COL18A1: variants seen among roughly 807,000 people sequenced by gnomAD.
COL18A1 encodes the protein collagen alpha-1(XVIII) chain.
A neutral mutation model predicts 168.0 loss-of-function variants in COL18A1; 133 were observed. The observed-to-expected ratio is 0.79, with a 90% confidence interval of 0.69 to 0.91. The LOEUF is 0.91. Among genes scored for constraint, COL18A1 ranks in the 40% least tolerant of loss-of-function variants. The probability of loss-of-function intolerance (pLI) is 0.00; values close to 1 mark genes in which losing one functional copy is unlikely to be tolerated. For missense variants in COL18A1, 2,126 were observed against 1,925.4 expected, an observed-to-expected ratio of 1.10 and a Z score of -1.95; for synonymous variants, 949 against 809.0, an observed-to-expected ratio of 1.17 and a Z score of -2.94.
intron 28 of COL18A1, 165 bp from the exon 29 acceptor site, chr21:45,495,193 G>A: frequency 2.9e-6 from 2 of 687,034 alleles, no homozygotes; most frequent in South Asian, 1.6e-5. Context: ...GGGTCCTTGT[G>A]CAGGAAAGGG....
At chr21:45,440,477 CG>C (rs1464356772) in intron 2 of COL18A1, among the ~76,000 whole-genome samples, 38 of 151,304 alleles carry the variant, frequency 2.5e-4, no homozygotes, top group African/African-American at 8.1e-4. Flanking sequence ...CGCAAGCAGT[CG>C]GGGCCTGCTG....
intron 2 of COL18A1, chr21:45,456,776 C>T (rs1193382911): frequency 3.0e-5 from 46 of 1,542,764 alleles, no homozygotes; most frequent in Non-Finnish European, 3.8e-5. Flanking sequence ...CGAGGCCCTG[C>T]AGGATGCGTG....
intron 2 of COL18A1, chr21:45,407,680 C>A (rs1355705616): frequency 6.6e-6 from 1 of 152,330 alleles, no homozygotes; most frequent in Non-Finnish European, 1.5e-5. Flanking sequence ...CGCCAGGAGC[C>A]TGGTCTCATG....
At chr21:45,501,200 G>C (rs2036802200) in intron 32 of COL18A1, among the ~76,000 whole-genome samples, 1 of 151,998 alleles carries the variant, frequency 6.6e-6, no homozygotes, top group Non-Finnish European at 1.5e-5. Context: ...GTCTACCAGA[G>C]AAATTGAGTA....
In COL18A1 at chr21:45,455,559, T is replaced by G. The variant is rs368343259; in HGVS notation, c.107-12683T>G. The G allele has an allele frequency of 3.7e-6, 6 of 1,613,614 alleles. No homozygotes were observed. Among genetic ancestry groups the G allele is most frequent in the Non-Finnish European group, 5.1e-6 (6 of 1,179,956 alleles). On this transcript the variant is annotated intron_variant, in intron 2 of 41. Transcript: ENST00000651438. Reference sequence around the variant, plus strand: ...GCTCCCTACCCCTGTGGCTGCCACATCCTGCTGCTGCTCTTCTGCTGCCTG... The same window carrying G: ...GCTCCCTACCCCTGTGGCTGCCACAGCCTGCTGCTGCTCTTCTGCTGCCTG...
At chr21:45,420,482 GCCCTCT>G (rs1040968322) in intron 2 of COL18A1, 55 of 152,366 alleles carry the variant, frequency 3.6e-4, no homozygotes, top group African/African-American at 1.3e-3. Flanking sequence ...GTAGTGGGCT[GCCCTCT>G]CCCTCTCCCG....
At chr21:45,450,597 A>G (rs549073004) in intron 2 of COL18A1, among the ~76,000 whole-genome samples, 2 of 152,330 alleles carry the variant, frequency 1.3e-5, no homozygotes, top group South Asian at 2.1e-4. Context: ...AGGAATTTAA[A>G]CCAGACAGGC....
chr21:45,482,443 G>A, intron 14 of COL18A1: 1 of 570,966 alleles, frequency 1.8e-6, no homozygotes, highest in Middle Eastern at 3.1e-4. Context: ...GATGAGAGCT[G>A]CACTGCTTTG....
Position 45,438,996 on chromosome 21 carries a change from A to G in COL18A1, c.107-29246A>G, listed in dbSNP as rs11089004. Among the ~76,000 whole-genome samples, 558 of 152,258 alleles carry G rather than the reference A, an allele frequency of 3.7e-3. 17 individuals carry two copies. The East Asian group carries it at 0.072, about 20-fold the overall frequency. ...CCACAGGACGTGCTTAGGGACTTGCATGGCAATTTGGCAGGGCCGTTCCCA... is the reference window on the plus strand; with the variant it reads ...CCACAGGACGTGCTTAGGGACTTGCGTGGCAATTTGGCAGGGCCGTTCCCA... On this transcript the variant is annotated intron_variant, in intron 2 of 41. Coordinates refer to ENST00000651438, the MANE Select transcript of COL18A1 (RefSeq NM_001379500.1).
chr21:45,410,267 T>TG (rs5844233), intron 2 of COL18A1, among the ~76,000 whole-genome samples: 151,429 of 152,368 alleles, frequency 0.99, 75,249 homozygotes, highest in East Asian at 1. Flanking sequence ...TGATCCCCTG[T>TG]GGGCCCCTCG....
At chr21:45,488,394 A>G (rs2036188355) in intron 17 of COL18A1, 24 bp from the exon 18 acceptor site, 4 of 1,613,434 alleles carry the variant, frequency 2.5e-6, no homozygotes, top group South Asian at 1.1e-5. Context: ...CTGCACTAAC[A>G]CTGTGTCTCC....
chr21:45,448,862 G>A (rs781773344), intron 2 of COL18A1, among the ~76,000 whole-genome samples: 9 of 152,150 alleles, frequency 5.9e-5, no homozygotes, highest in Admixed American at 1.3e-4. Context: ...AGCCCTGCCC[G>A]CCCCCGCTGC....
intron 38 of COL18A1, among the ~76,000 whole-genome samples, chr21:45,508,459 GTGGA>G (rs989731002): frequency 1.5e-4 from 23 of 150,130 alleles, no homozygotes; most frequent in Non-Finnish European, 2.8e-4. Context: ...GAGTGGATGG[GTGGA>G]TGGACAGGTG....
intron 2 of COL18A1, among the ~76,000 whole-genome samples, chr21:45,411,564 G>A (rs2033289601): frequency 6.6e-6 from 1 of 152,120 alleles, no homozygotes. Context: ...CCCACAGTCT[G>A]GAGGGCCCGG....
At chr21:45,500,875 G>T (rs866316479) in intron 32 of COL18A1, among the ~76,000 whole-genome samples, 1 of 14,252 alleles carries the variant, frequency 7.0e-5, no homozygotes, top group Non-Finnish European at 1.5e-4. Flanking sequence ...GGTGTGGTTT[G>T]GTGTGTGTGT....
chr21:45,510,175 C>G lies in COL18A1; in HGVS notation c.3607C>G (p.Arg1203Gly). The G allele has an allele frequency of 6.3e-7, 1 of 1,596,638 alleles. No homozygotes were observed. The highest frequency in any genetic ancestry group is 8.5e-7 in the Non-Finnish European group (1 of 1,172,644). ...GGCCGTGGGGCTGGCGGGCACCTTCCGCGCCTTCCTGTCCTCGCGCCTGCA... is the reference window on the plus strand; with the variant it reads ...GGCCGTGGGGCTGGCGGGCACCTTCGGCGCCTTCCTGTCCTCGCGCCTGCA... ...ARAVGLAGTF[R>G]AFLSSRLQDL... is the part of the protein sequence containing the mutation. Residue 1203 changes from arginine to glycine, a missense_variant, in exon 40 of 42, where the codon CGC (arginine) becomes GGC (glycine). Transcript: ENST00000651438.
chr21:45,493,065 G>A, intron 24 of COL18A1, 98 bp from the exon 25 acceptor site: 1 of 1,246,074 alleles, frequency 8.0e-7, no homozygotes, highest in Non-Finnish European at 1.1e-6. Flanking sequence ...GTCGAGGCAG[G>A]CATATTGCGG....
At chr21:45,507,100 G>A (rs547169380) in intron 37 of COL18A1, 55 of 319,314 alleles carry the variant, frequency 1.7e-4, no homozygotes, top group East Asian at 1.6e-3. Flanking sequence ...GCAACCTGCC[G>A]TGGACTGGGA....
intron 22 of COL18A1, among the ~76,000 whole-genome samples, chr21:45,491,975 C>T (rs980701526): frequency 4.6e-5 from 7 of 152,148 alleles, no homozygotes; most frequent in East Asian, 1.9e-4. Context: ...GGGGGCTGCC[C>T]GGGGCAGAGC....
Sources: allele counts gnomAD v4.1 joint callset (sites outside exome capture counted in the v4.1 genomes callset), GRCh38; gene constraint gnomAD v4.1.1; transcripts MANE v1.5; gene names NCBI Gene and HGNC (gene_info 2026-07-23, HGNC 2026-07-21).